ESCO2: variants seen among roughly 807,000 people sequenced by gnomAD.
The protein encoded by ESCO2 is establishment of sister chromatid cohesion N-acetyltransferase 2, also known as N-acetyltransferase ESCO2.
In ESCO2, 51 loss-of-function variants were observed where a neutral mutation model predicts 61.7. That is an observed-to-expected ratio of 0.83 (90% confidence interval 0.66 to 1.04). The LOEUF (loss-of-function observed/expected upper bound fraction) is 1.04. ESCO2 is among the 50% of genes least tolerant of loss of function. ESCO2 has a pLI of 0.00. For synonymous variants in ESCO2, 230 were observed against 238.2 expected (o/e 0.97, Z 0.32); for missense variants, 692 against 686.2 (o/e 1.01, Z -0.09).
chr8:27,803,496 A>G lies in ESCO2; in HGVS notation c.*58A>G. Reference sequence around the variant, plus strand: ...GGATAAGTTCAAAGAGCTCCTTATTATAAAATACAAACTATTTAATATCAA... The same window carrying G: ...GGATAAGTTCAAAGAGCTCCTTATTGTAAAATACAAACTATTTAATATCAA... On this transcript the variant is annotated 3_prime_UTR_variant, in exon 11 of 11. Transcript: ENST00000305188. The G allele has an allele frequency of 6.3e-7, 1 of 1,597,904 alleles. No individual in the cohort carries two copies. Among genetic ancestry groups the G allele is most frequent in the Non-Finnish European group, 8.5e-7 (1 of 1,171,568 alleles).
chr8:27,784,841 T>C (rs1233859079), intron 5 of ESCO2, among the ~76,000 whole-genome samples: 1 of 152,208 alleles, frequency 6.6e-6, no homozygotes, highest in East Asian at 1.9e-4. Flanking sequence ...CCCGGCTACA[T>C]TTTCCTTACT....
rs1805525226 is a variant in ESCO2 at position 27,804,777 on chromosome 8, A to G, written c.*1339A>G. On this transcript the variant is annotated 3_prime_UTR_variant, in exon 11 of 11. Transcript: ENST00000305188. ...TGGAAGTATTAAAATGTATGTAATT[A>G]TGCAAACATTTTAATGCTATTTTCT... 1.0e-6 allele frequency: 1 copy of G among 982,328 alleles called. No homozygotes were observed. The highest frequency in any genetic ancestry group is 1.2e-6 in the Non-Finnish European group (1 of 827,240). The allele number at this position is 982,328 out of a possible 1,614,324, so 60.9% of individuals were successfully genotyped here. A position where few individuals can be genotyped will look rare whatever the true frequency, so the allele number is the denominator to read the frequency against.
intron 9 of ESCO2, among the ~76,000 whole-genome samples, chr8:27,796,393 A>G (rs557736399): frequency 3.0e-4 from 45 of 152,044 alleles, no homozygotes; most frequent in Middle Eastern, 3.4e-3. Flanking sequence ...AATCTTTTCT[A>G]TTTTTTGAGT....
chr8:27,780,858 CT>C (rs551053067), intron 4 of ESCO2, among the ~76,000 whole-genome samples: 30 of 151,824 alleles, frequency 2.0e-4, no homozygotes, highest in South Asian at 8.3e-4. Flanking sequence ...ATACATAAAG[CT>C]TTTTTTTATG....
chr8:27,805,729 G>A (rs549129684), downstream of ESCO2, among the ~76,000 whole-genome samples: 36 of 152,216 alleles, frequency 2.4e-4, no homozygotes, highest in Non-Finnish European at 4.3e-4. Flanking sequence ...TCCCGCCTGA[G>A]CTCCCTAAGT....
intron 4 of ESCO2, among the ~76,000 whole-genome samples, chr8:27,783,513 G>C (rs1210770886): frequency 6.6e-6 from 1 of 152,098 alleles, no homozygotes; most frequent in Non-Finnish European, 1.5e-5. Flanking sequence ...TGCTTTCGCT[G>C]TTGTATGTAA....
intron 5 of ESCO2, among the ~76,000 whole-genome samples, chr8:27,787,430 A>G (rs1050573842): frequency 2.0e-5 from 3 of 148,308 alleles, no homozygotes; most frequent in African/African-American, 5.0e-5. Context: ...GGGTCATAAT[A>G]TGATGGTGAC....
intron 9 of ESCO2, among the ~76,000 whole-genome samples, chr8:27,793,127 T>C (rs1805214983): frequency 6.6e-6 from 1 of 152,222 alleles, no homozygotes; most frequent in Admixed American, 6.5e-5. Flanking sequence ...GTTAATATTT[T>C]TGGCAAAATA....
intron 10 of ESCO2, among the ~76,000 whole-genome samples, chr8:27,800,485 A>G (rs1425098759): frequency 6.6e-6 from 1 of 152,216 alleles, no homozygotes; most frequent in Non-Finnish European, 1.5e-5. Context: ...GTGAGGATGT[A>G]GAGGAAACTG....
chr8:27,787,223 G>C, intron 5 of ESCO2, among the ~76,000 whole-genome samples: 1 of 152,048 alleles, frequency 6.6e-6, no homozygotes, highest in East Asian at 1.9e-4. Flanking sequence ...AGCTAGATTT[G>C]GCCTGAGGGG....
At chr8:27,780,977 GATACA>G (rs1467833846) in intron 4 of ESCO2, among the ~76,000 whole-genome samples, 1 of 152,046 alleles carries the variant, frequency 6.6e-6, no homozygotes, top group East Asian at 1.9e-4. Context: ...TCAAAGCACT[GATACA>G]ATAGAAAATA....
At chr8:27,816,594 T>C (rs2128962314), downstream of ESCO2, among the ~76,000 whole-genome samples, 1 of 151,896 alleles carries the variant, frequency 6.6e-6, no homozygotes, top group South Asian at 2.1e-4. Context: ...GCCAGGATGG[T>C]CTCAATCTCC....
chr8:27,811,253 G>A, downstream of ESCO2: 4 of 812,366 alleles, frequency 4.9e-6, no homozygotes, highest in Non-Finnish European at 8.2e-6. Context: ...AGTGTAGCCA[G>A]AAAATGTAAA....
downstream of ESCO2, among the ~76,000 whole-genome samples, chr8:27,809,154 CAT>C (rs1392464624): frequency 6.6e-6 from 1 of 152,140 alleles, no homozygotes; most frequent in Non-Finnish European, 1.5e-5. Context: ...AAGAGTGACA[CAT>C]GTCAGAGTGA....
chr8:27,813,454 A>C, downstream of ESCO2, among the ~76,000 whole-genome samples: 1 of 152,290 alleles, frequency 6.6e-6, no homozygotes, highest in South Asian at 2.1e-4. Context: ...TAGAACTTAA[A>C]CAATTTTGTT....
chr8:27,803,229 A>G, intron 10 of ESCO2, 77 bp from the exon 11 acceptor site: 2 of 1,292,376 alleles, frequency 1.5e-6, no homozygotes, highest in Non-Finnish European at 2.2e-6. Context: ...AGTCAAGAGT[A>G]TTTACTTAAA....
In ESCO2 at chr8:27,792,441, C is replaced by T. The variant is rs117308787; in HGVS notation, c.1354-227C>T. Among the ~76,000 whole-genome samples the T allele has an allele frequency of 0.015, 2,210 of 152,194 alleles. 48 individuals are homozygous for T. Among genetic ancestry groups the T allele is most frequent in the African/African-American group, 0.045 (1,870 of 41,502 alleles). On this transcript the variant is annotated intron_variant, in intron 8 of 10. Coordinates refer to ENST00000305188, the MANE Select transcript of ESCO2 (RefSeq NM_001017420.3). ...CCTATTCCTTATCCCTCCCAGGTGT[C>T]TCAATTTCTGCTGAAAGTGATCTTT... is the stretch of plus-strand genomic sequence containing the variant.
chr8:27,814,933 G>T (rs1322254919), downstream of ESCO2, among the ~76,000 whole-genome samples: 1 of 152,086 alleles, frequency 6.6e-6, no homozygotes, highest in East Asian at 1.9e-4. Flanking sequence ...AACTCTTACA[G>T]ACAGAATATT....
rs79448627 is a variant in ESCO2 at position 27,783,143 on chromosome 8, C to A, written c.956-857C>A. ...TCCCTATGCCTACATTTTATTGTTA[C>A]TCTCCTTCCCCTCAGCCCCCTGGCA... On this transcript the variant is annotated intron_variant, in intron 4 of 10. Transcript: ENST00000305188. 8.8e-3 allele frequency among the ~76,000 whole-genome samples: 1,333 copies of A among 152,224 alleles called. 18 individuals are homozygous for A. Among genetic ancestry groups the A allele is most frequent in the African/African-American group, 0.03 (1,256 of 41,526 alleles).
Sources: allele counts gnomAD v4.1 joint callset (sites outside exome capture counted in the v4.1 genomes callset), GRCh38; gene constraint gnomAD v4.1.1; transcripts MANE v1.5; gene names NCBI Gene and HGNC (gene_info 2026-07-23, HGNC 2026-07-21).